The following IGDCC3 variants were observed in gnomAD, a reference collection of about 807,000 sequenced individuals.
The protein encoded by IGDCC3 is putative neuronal cell adhesion molecule.
Under a neutral mutation model 72.0 loss-of-function variants are expected in IGDCC3, and 47 were observed. The observed-to-expected ratio is 0.65, with a 90% CI of 0.52 to 0.83. IGDCC3 has a LOEUF of 0.83. Among genes scored for constraint, IGDCC3 ranks in the 40% least tolerant of loss-of-function variants. IGDCC3 has a pLI of 0.00. For missense variants in IGDCC3, 1,038 were observed against 1,091.3 expected (o/e 0.95, Z 0.69); for synonymous variants, 477 against 472.8 (o/e 1.01, Z -0.11).
At chr15:65,336,677 TC>T (rs2091031939) in intron 2 of IGDCC3, among the ~76,000 whole-genome samples, 1 of 152,082 alleles carries the variant, frequency 6.6e-6, no homozygotes, top group Non-Finnish European at 1.5e-5. Flanking sequence ...CAGGGACCCC[TC>T]CCCACCTTTT....
intron 2 of IGDCC3, among the ~76,000 whole-genome samples, chr15:65,365,344 G>A (rs1267852705): frequency 6.6e-6 from 1 of 152,122 alleles, no homozygotes; most frequent in African/African-American, 2.4e-5. Flanking sequence ...GTGGCCTCTT[G>A]ATAGTACCCC....
intron 2 of IGDCC3, among the ~76,000 whole-genome samples, chr15:65,359,592 C>G (rs1357036021): frequency 6.6e-6 from 1 of 152,180 alleles, no homozygotes. Flanking sequence ...GCACCTGTGA[C>G]TTAGCCTTTT....
intron 5 of IGDCC3, among the ~76,000 whole-genome samples, chr15:65,333,834 T>C (rs908889919): frequency 2.6e-5 from 4 of 152,172 alleles, no homozygotes; most frequent in African/African-American, 9.7e-5. Flanking sequence ...CGGTTAACTT[T>C]GTTTCCCAAA....
Position 65,377,962 on chromosome 15 carries a change from G to T in IGDCC3, c.-174C>A. On this transcript the variant is annotated 5_prime_UTR_variant, in exon 1 of 14. Coordinates refer to ENST00000327987, the MANE Select transcript of IGDCC3 (RefSeq NM_004884.4). This position sits in a 1 kb window ranked among gnomAD's most constrained non-coding sequence, Gnocchi z 4.9. ...CAGCAGCGCGGGGGGCGCAGGGGGA[G>T]CGCCGCTTGCGCCATCTTGCACCCA... 4.4e-6 allele frequency: 2 copies of T among 454,370 alleles called. No individual in the cohort carries two copies. The highest frequency in any genetic ancestry group is 5.9e-6 in the Non-Finnish European group (2 of 340,706). 28.1% of individuals were successfully genotyped at this position (454,370 alleles called of 1,614,324 possible). A position where few individuals can be genotyped will look rare whatever the true frequency, so the allele number is the denominator to read the frequency against.
chr15:65,332,128 TG>T lies in IGDCC3; in HGVS notation c.983-23del, dbSNP rs750505429. The T allele has an allele frequency of 4.4e-6, 7 of 1,604,366 alleles. No individual in the cohort carries two copies. The South Asian group carries it at 5.5e-5, about 13-fold the overall frequency. On this transcript the variant is annotated intron_variant, in intron 6 of 13. Transcript: ENST00000327987. Reference sequence around the variant, plus strand: ...GGGGCTGCGAGTAGAGTCAGGAGGGTGGGGGCGCAGACAGACACAGCTGTGA... The same window carrying T: ...GGGGCTGCGAGTAGAGTCAGGAGGGTGGGGCGCAGACAGACACAGCTGTGA...
At chr15:65,370,500 T>C (rs1204955327) in intron 2 of IGDCC3, among the ~76,000 whole-genome samples, 2 of 126,914 alleles carry the variant, frequency 1.6e-5, no homozygotes, top group Admixed American at 8.8e-5. Flanking sequence ...GAGCGAGACT[T>C]GGTCTCAAAA....
At chr15:65,373,105 A>G (rs2091337124) in intron 2 of IGDCC3, among the ~76,000 whole-genome samples, 1 of 152,174 alleles carries the variant, frequency 6.6e-6, no homozygotes, top group Non-Finnish European at 1.5e-5. Flanking sequence ...AAAAAAGCAC[A>G]TTTACAATTA....
At chr15:65,347,798 G>C (rs2091137450) in intron 2 of IGDCC3, among the ~76,000 whole-genome samples, 1 of 152,118 alleles carries the variant, frequency 6.6e-6, no homozygotes, top group Admixed American at 6.5e-5. Context: ...GGGCATGGTG[G>C]CGTGTGCCTG....
At position 65,331,590 on chromosome 15, in the gene IGDCC3, C is replaced by T. The variant is rs760158892; in HGVS notation, c.1218G>A (p.Ala406=). The T allele has an allele frequency of 1.1e-5, 18 of 1,613,498 alleles. No individual in the cohort carries two copies. The highest frequency in any genetic ancestry group is 8.8e-5 in the South Asian group (8 of 91,006). Residue 406 remains alanine, a synonymous_variant, in exon 8 of 14, where the codon GCG becomes GCA. Transcript: ENST00000327987. ...AIYQCVAENS[A]GSSQASARLT... is the part of the protein sequence containing the mutation. ...GCCTGGCACTGGCCTGTGATGAGCC[C>T]GCACTGTTCTCGGCCACACACTGAT...
At chr15:65,332,152 T>C in intron 6 of IGDCC3, 46 bp from the exon 7 acceptor site, 1 of 1,583,854 alleles carries the variant, frequency 6.3e-7, no homozygotes, top group Non-Finnish European at 8.6e-7. Flanking sequence ...GACACAGCTG[T>C]GAGTGACGGC....
In IGDCC3 at chr15:65,329,490, C is replaced by A. The variant is rs140821348; in HGVS notation, c.2105G>T (p.Arg702Leu). The A allele has an allele frequency of 1.9e-6, 3 of 1,609,388 alleles. No individual in the cohort carries two copies. The African/African-American group carries it at 4.0e-5, about 22-fold the overall frequency. ...LALNGARRGQ[R>L]GQLGRDEKRV... ...TTTCTCGTCTCGGCCCAGCTGGCCC[C>A]GCTGTCCCCGTCTCGCCCCATTTAG... Residue 702 changes from arginine to leucine, a missense_variant, in exon 13 of 14, where the codon CGG (arginine) becomes CTG (leucine). By Grantham distance (102) the Arg-to-Leu change is moderately radical. Transcript: ENST00000327987. The surrounding 1 kb of genome is among the most constrained non-coding windows in gnomAD (Gnocchi z 4.1).
intron 2 of IGDCC3, among the ~76,000 whole-genome samples, chr15:65,348,693 G>A (rs192666138): frequency 8.6e-4 from 131 of 152,278 alleles, no homozygotes; most frequent in Non-Finnish European, 1.3e-3. Context: ...TTAGAGGCCC[G>A]ACTTAGGAGG....
intron 2 of IGDCC3, among the ~76,000 whole-genome samples, chr15:65,371,151 G>T (rs1479832784): frequency 6.6e-6 from 1 of 152,202 alleles, no homozygotes; most frequent in Non-Finnish European, 1.5e-5. Context: ...AGACACCTGG[G>T]ACCTCATCCT....
Position 65,333,142 on chromosome 15 carries a change from G to C in IGDCC3, c.982+115C>G, listed in dbSNP as rs558638448. On this transcript the variant is annotated intron_variant, in intron 6 of 13. Coordinates refer to ENST00000327987, the MANE Select transcript of IGDCC3 (RefSeq NM_004884.4). ...CCTGGGGGCCGGTGAGGGGCGAGGGGCAGGGCGAGTCCAGGAGACTGGGGT... is the reference window on the plus strand; with the variant it reads ...CCTGGGGGCCGGTGAGGGGCGAGGGCCAGGGCGAGTCCAGGAGACTGGGGT... 760 of 1,041,500 alleles carry C rather than the reference G, an allele frequency of 7.3e-4. 1 individual carries two copies. Among genetic ancestry groups the C allele is most frequent in the Non-Finnish European group, 9.7e-4 (726 of 749,122 alleles). The allele number at this position is 1,041,500 out of a possible 1,614,324, so 64.5% of individuals were successfully genotyped here.
At chr15:65,376,620 C>A (rs932671779) in intron 1 of IGDCC3, among the ~76,000 whole-genome samples, 1 of 151,336 alleles carries the variant, frequency 6.6e-6, no homozygotes, top group African/African-American at 2.4e-5. Context: ...CCCCTCCCCC[C>A]GTCCCCGGCC....
chr15:65,360,782 T>C (rs771188182), intron 2 of IGDCC3, among the ~76,000 whole-genome samples: 7 of 152,140 alleles, frequency 4.6e-5, no homozygotes, highest in Non-Finnish European at 8.8e-5. Flanking sequence ...TTTCTTTCTT[T>C]TCTTTTTTTC....
chr15:65,377,382 C>T lies in IGDCC3; in HGVS notation c.103+304G>A, dbSNP rs1398456708. 2.0e-5 allele frequency among the ~76,000 whole-genome samples: 3 copies of T among 152,142 alleles called. No homozygotes were observed. The highest frequency in any genetic ancestry group is 2.9e-5 in the Non-Finnish European group (2 of 68,010). ...GCGGTCTCCCCTGGCTCGTTTCCCT[C>T]GGTCTCCACGCCAGCCCGCCCCGCT... On this transcript the variant is annotated intron_variant, in intron 1 of 13. Transcript: ENST00000327987. The surrounding 1 kb of genome is among the most constrained non-coding windows in gnomAD (Gnocchi z 4.9).
intron 9 of IGDCC3, 82 bp downstream of exon 9, chr15:65,330,968 A>G (rs1567060139): frequency 1.3e-5 from 19 of 1,517,806 alleles, no homozygotes; most frequent in Non-Finnish European, 1.7e-5. Flanking sequence ...ACAGCGCACA[A>G]CCAGAACAAG....
In IGDCC3 at chr15:65,335,359, A is replaced by T. The variant is rs767036370; in HGVS notation, c.617T>A (p.Ile206Asn). The T allele has an allele frequency of 5.6e-6, 9 of 1,613,680 alleles. No individual in the cohort carries two copies. Among genetic ancestry groups the T allele is most frequent in the African/African-American group, 4.0e-5 (3 of 74,834 alleles). ...GATGTTTGAGGCCACACAGTGGAAG[A>T]TGCCACCGTCCTCAGCTCGAAGTCC... ...ITGLRAEDGG[I>N]FHCVASNIAS... The change falls in exon 4 of 14, where the codon ATC (isoleucine) becomes AAC (asparagine). Residue 206 changes from isoleucine to asparagine, a missense_variant. Transcript: ENST00000327987.
Sources: gnomAD v4.1 joint callset for allele counts (sites outside exome capture counted in the v4.1 genomes callset) on GRCh38, gnomAD v4.1.1 for gene constraint, Gnocchi (gnomAD v3.1) non-coding constraint, MANE v1.5 for transcripts, NCBI Gene and HGNC (gene_info 2026-07-23, HGNC 2026-07-21) for gene names.